The following SLC24A2 variants were observed in gnomAD, a reference collection of about 807,000 sequenced individuals.
SLC24A2 encodes the protein sodium/potassium/calcium exchanger 2.
In SLC24A2, 36 loss-of-function variants were observed where a neutral mutation model predicts 62.0. That is an observed-to-expected ratio of 0.58 (90% CI 0.44 to 0.77). SLC24A2 has a LOEUF of 0.77. Ranked by LOEUF, SLC24A2 falls within the 30% of genes least tolerant of loss-of-function variation. The pLI is 0.00. For missense variants in SLC24A2, 846 were observed against 817.9 expected (o/e 1.03, Z -0.42); for synonymous variants, 358 against 294.0 (o/e 1.22, Z -2.23).
the SLC24A2 span, among the ~76,000 whole-genome samples, chr9:19,854,133 G>T: frequency 2.6e-5 from 4 of 151,980 alleles, no homozygotes; most frequent in East Asian, 5.8e-4. Context: ...TTTCTGTGGG[G>T]TCAGTGGTGA....
chr9:20,156,098 T>C, the SLC24A2 span, among the ~76,000 whole-genome samples: 1 of 151,798 alleles, frequency 6.6e-6, no homozygotes, highest in African/African-American at 2.4e-5. Context: ...GAAACATTGC[T>C]GGATGGCATA....
At position 19,572,644 on chromosome 9, in the gene SLC24A2, TAA is replaced by T. The variant is rs1299635088; in HGVS notation, c.1347+705_1347+706del. On this transcript the variant is annotated intron_variant, in intron 7 of 10. Transcript: ENST00000341998. ...GCTTCCTGTTGAGCCTGTGGAACTA[TAA>T]GTCAATTAAACCTCTTTTCTTCATA... is the stretch of plus-strand genomic sequence containing the variant. Among the ~76,000 whole-genome samples the T allele has an allele frequency of 3.3e-5, 5 of 152,370 alleles. No individual in the cohort carries two copies. The South Asian group carries it at 6.2e-4, about 19-fold the overall frequency.
At chr9:20,005,053 A>C in the SLC24A2 span, among the ~76,000 whole-genome samples, 1 of 152,324 alleles carries the variant, frequency 6.6e-6, no homozygotes, top group East Asian at 1.9e-4. Flanking sequence ...TGTCAGCGAA[A>C]TAGTTATGCT....
chr9:19,520,819 T>A, intron 10 of SLC24A2, 75 bp downstream of exon 10: 4 of 1,428,216 alleles, frequency 2.8e-6, no homozygotes, highest in Non-Finnish European at 4.0e-6. Context: ...ATCCTGGTCA[T>A]GTCTTTCCAG....
intron 2 of SLC24A2, among the ~76,000 whole-genome samples, chr9:19,760,972 T>G (rs1383398497): frequency 6.6e-6 from 1 of 151,998 alleles, no homozygotes; most frequent in South Asian, 2.1e-4. Context: ...AAACGACAAG[T>G]TAAGGAGTGC....
chr9:20,152,051 T>A, the SLC24A2 span, among the ~76,000 whole-genome samples: 3 of 151,892 alleles, frequency 2.0e-5, no homozygotes, highest in African/African-American at 7.2e-5. Context: ...GTATCCAGCC[T>A]TGGGTTTTCA....
the SLC24A2 span, among the ~76,000 whole-genome samples, chr9:20,021,941 T>C: frequency 6.6e-6 from 1 of 152,134 alleles, no homozygotes; most frequent in Non-Finnish European, 1.5e-5. Flanking sequence ...TGATCCAGAA[T>C]CACCTTATTC....
the SLC24A2 span, among the ~76,000 whole-genome samples, chr9:20,079,590 T>A: frequency 6.6e-6 from 1 of 152,216 alleles, no homozygotes; most frequent in African/African-American, 2.4e-5. Flanking sequence ...TATTTTGCAG[T>A]TTTGAATAAT....
At chr9:19,887,412 AAAG>A in the SLC24A2 span, among the ~76,000 whole-genome samples, 1 of 152,326 alleles carries the variant, frequency 6.6e-6, no homozygotes, top group Non-Finnish European at 1.5e-5. Flanking sequence ...GCAATTCTCA[AAAG>A]AAGATATGCA....
intron 2 of SLC24A2, among the ~76,000 whole-genome samples, chr9:19,677,087 C>A (rs954562383): frequency 3.3e-5 from 5 of 152,182 alleles, no homozygotes; most frequent in Non-Finnish European, 2.9e-5. Context: ...TGGGTATATA[C>A]CCAAAGCAAT....
At chr9:20,180,875 A>G in the SLC24A2 span, among the ~76,000 whole-genome samples, 1 of 152,298 alleles carries the variant, frequency 6.6e-6, no homozygotes, top group East Asian at 1.9e-4. Flanking sequence ...TGCCACTAAA[A>G]GTGAGCTGTT....
the SLC24A2 span, among the ~76,000 whole-genome samples, chr9:20,013,855 T>C: frequency 6.6e-6 from 1 of 152,096 alleles, no homozygotes; most frequent in Non-Finnish European, 1.5e-5. Context: ...CATAAGGGAA[T>C]TGCAAATTAA....
At chr9:19,600,138 C>G (rs1259990072) in intron 4 of SLC24A2, among the ~76,000 whole-genome samples, 1 of 152,160 alleles carries the variant, frequency 6.6e-6, no homozygotes, top group Non-Finnish European at 1.5e-5. Context: ...TTCTCTATAA[C>G]ATTTCTCTAA....
At chr9:19,620,349 G>C (rs1040645420) in intron 3 of SLC24A2, among the ~76,000 whole-genome samples, 8 of 152,120 alleles carry the variant, frequency 5.3e-5, no homozygotes, top group African/African-American at 1.9e-4. Flanking sequence ...CACATCTCCT[G>C]GGCTACCTCA....
intron 2 of SLC24A2, among the ~76,000 whole-genome samples, chr9:19,668,006 A>AT (rs1295911908): frequency 6.6e-6 from 1 of 151,968 alleles, no homozygotes; most frequent in Non-Finnish European, 1.5e-5. Flanking sequence ...TTCTTACTGT[A>AT]TTTTTAATGT....
At chr9:19,641,445 G>C (rs943333634) in intron 2 of SLC24A2, among the ~76,000 whole-genome samples, 1 of 152,066 alleles carries the variant, frequency 6.6e-6, no homozygotes, top group African/African-American at 2.4e-5. Context: ...GTGCTGTTTG[G>C]ATTAGTTCAA....
At chr9:19,775,555 G>A (rs184708902) in intron 2 of SLC24A2, among the ~76,000 whole-genome samples, 2 of 149,860 alleles carry the variant, frequency 1.3e-5, no homozygotes, top group South Asian at 2.1e-4. Flanking sequence ...GATGATGTGT[G>A]GATCTAGGTC....
the SLC24A2 span, among the ~76,000 whole-genome samples, chr9:20,101,691 G>C: frequency 0.012 from 1,773 of 152,122 alleles, 43 homozygotes; most frequent in African/African-American, 0.041. Flanking sequence ...GGAAAGTAAG[G>C]ACATTATAAC....
chr9:20,009,378 T>C, the SLC24A2 span, among the ~76,000 whole-genome samples: 3 of 123,726 alleles, frequency 2.4e-5, no homozygotes, highest in Non-Finnish European at 5.0e-5. Flanking sequence ...GACTGAACTC[T>C]GTCTCAAAAA....
Sources: allele counts gnomAD v4.1 joint callset (sites outside exome capture counted in the v4.1 genomes callset), GRCh38; gene constraint gnomAD v4.1.1; transcripts MANE v1.5; gene names NCBI Gene and HGNC (gene_info 2026-07-23, HGNC 2026-07-21).